Variants in FER1L6 observed in about 807,000 individuals in gnomAD.
The protein encoded by FER1L6 is fer-1 like family member 6, also known as fer-1-like protein 6.
A neutral mutation model predicts 219.2 loss-of-function variants in FER1L6; 177 were observed. The ratio of observed to expected loss-of-function variants is 0.81; its 90% CI spans 0.71 to 0.91. FER1L6 has a LOEUF of 0.91. Among genes scored for constraint, FER1L6 ranks in the 40% least tolerant of loss-of-function variants. The pLI is 0.00. For missense variants in FER1L6, 2,153 were observed against 2,259.9 expected (o/e 0.95, Z 0.96); for synonymous variants, 768 against 824.3 (o/e 0.93, Z 1.17).
rs568925800 is a variant in FER1L6, at chr8:123,939,044, A to G, written c.-7-16948A>G. 1,524 of 499,178 alleles carry G rather than the reference A, an allele frequency of 3.1e-3. 4 individuals carry two copies. The highest frequency in any genetic ancestry group is 3.7e-3 in the Non-Finnish European group (1,427 of 385,362). The allele number at this position is 499,178 out of a possible 1,614,324, so 30.9% of individuals were successfully genotyped here. ...AATTGCATTGCACATTCATCTGAGC[A>G]TAGCAAGGGAAGAAAATATCAAACC... On this transcript the variant is annotated intron_variant, in intron 1 of 40. Transcript: ENST00000522917.
intron 1 of FER1L6, among the ~76,000 whole-genome samples, chr8:123,873,661 C>T (rs368501345): frequency 6.6e-5 from 10 of 152,254 alleles, no homozygotes; most frequent in African/African-American, 2.4e-4. Context: ...CACTGTTTTT[C>T]ACTCTTTGAA....
intron 39 of FER1L6, among the ~76,000 whole-genome samples, chr8:124,118,068 C>T (rs193247041): frequency 4.8e-4 from 73 of 152,242 alleles, no homozygotes; most frequent in Non-Finnish European, 8.5e-4. Flanking sequence ...TCCAGGAGAT[C>T]AGAAATTCTG....
intron 32 of FER1L6, among the ~76,000 whole-genome samples, chr8:124,078,263 C>T (rs924070046): frequency 6.6e-6 from 1 of 152,078 alleles, no homozygotes; most frequent in Non-Finnish European, 1.5e-5. Context: ...TTTAATGGGG[C>T]CCTATCTCCA....
Position 123,912,286 on chromosome 8 carries a change from A to AAAG in FER1L6, c.-7-43697_-7-43695dup, listed in dbSNP as rs35872054. Among the ~76,000 whole-genome samples the AAAG allele has an allele frequency of 8.1e-3, 1,220 of 150,592 alleles. 44 individuals carry two copies. The highest frequency in any genetic ancestry group is 0.067 in the Admixed American group (1,022 of 15,150). ...AAGAAACTTGTCAATGTTTAAAAAA[A>AAAG]AAGAAGAAGAAAGCCTACTAAGTAT... On this transcript the variant is annotated intron_variant, in intron 1 of 40. Coordinates refer to ENST00000522917, the MANE Select transcript of FER1L6 (RefSeq NM_001039112.2).
chr8:124,105,560 C>T (rs1281679420), intron 39 of FER1L6, among the ~76,000 whole-genome samples: 6 of 152,176 alleles, frequency 3.9e-5, no homozygotes, highest in Non-Finnish European at 8.8e-5. Context: ...GAAATAGGAA[C>T]TCAGAGAGGA....
At chr8:123,905,287 T>A (rs1172029393) in intron 1 of FER1L6, among the ~76,000 whole-genome samples, 1 of 152,194 alleles carries the variant, frequency 6.6e-6, no homozygotes, top group African/African-American at 2.4e-5. Flanking sequence ...TGTGTAAATG[T>A]GTTCTCATTG....
chr8:123,884,844 G>A (rs1388256451), intron 1 of FER1L6, among the ~76,000 whole-genome samples: 2 of 152,160 alleles, frequency 1.3e-5, no homozygotes, highest in African/African-American at 4.8e-5. Context: ...GAGCCCCAGA[G>A]TTTGGGCAGT....
At chr8:124,017,563 C>G in intron 15 of FER1L6, 65 bp from the exon 16 acceptor site, 1 of 1,267,192 alleles carries the variant, frequency 7.9e-7, no homozygotes, top group Non-Finnish European at 1.1e-6. Flanking sequence ...TATTTGCAAA[C>G]CTCTGGAATT....
At chr8:123,871,762 C>A (rs540638620) in intron 1 of FER1L6, among the ~76,000 whole-genome samples, 2 of 152,016 alleles carry the variant, frequency 1.3e-5, no homozygotes, top group African/African-American at 4.8e-5. Flanking sequence ...GTAAGGGGAG[C>A]GAAAAGAGTC....
intron 17 of FER1L6, 57 bp downstream of exon 17, chr8:124,021,726 G>T: frequency 6.2e-7 from 1 of 1,601,542 alleles, no homozygotes; most frequent in Non-Finnish European, 8.5e-7. Flanking sequence ...GTCTTCCAGG[G>T]AGGTTTGAAT....
At chr8:124,067,885 A>C (rs1820893363) in intron 28 of FER1L6, 79 bp downstream of exon 28, 1 of 1,164,756 alleles carries the variant, frequency 8.6e-7, no homozygotes, top group Non-Finnish European at 1.3e-6. Context: ...AAGCCACGGG[A>C]GGTGTATTAG....
At chr8:123,927,163 A>G (rs1001810978) in intron 1 of FER1L6, among the ~76,000 whole-genome samples, 1 of 40,886 alleles carries the variant, frequency 2.4e-5, no homozygotes, top group Non-Finnish European at 4.7e-5. Flanking sequence ...AGCAGGCAGG[A>G]AAAAAAAAAA....
intron 33 of FER1L6, among the ~76,000 whole-genome samples, chr8:124,090,668 C>T (rs1003121777): frequency 4.6e-5 from 7 of 152,168 alleles, no homozygotes; most frequent in African/African-American, 1.7e-4. Context: ...AGACATCAAG[C>T]TTATCTTGGT....
intron 1 of FER1L6, among the ~76,000 whole-genome samples, chr8:123,947,239 C>T (rs1225777372): frequency 6.8e-6 from 1 of 147,396 alleles, no homozygotes; most frequent in South Asian, 2.1e-4. Flanking sequence ...GAGCAAGACT[C>T]AGTCTAAAAA....
intron 2 of FER1L6, among the ~76,000 whole-genome samples, chr8:123,957,460 T>C (rs1226147210): frequency 6.6e-6 from 1 of 152,202 alleles, no homozygotes; most frequent in Non-Finnish European, 1.5e-5. Context: ...GTCCTTTCCC[T>C]CTAGGACCTT....
chr8:123,946,025 G>GT lies in FER1L6; in HGVS notation c.-7-9966dup, dbSNP rs563494289. On this transcript the variant is annotated intron_variant, in intron 1 of 40. Coordinates refer to ENST00000522917, the MANE Select transcript of FER1L6 (RefSeq NM_001039112.2). ...ATTTTGACTGAATGGGATTCAAAGTGTATCTGTTATCAGAGGTCACTGGGC... is the reference window on the plus strand; with the variant it reads ...ATTTTGACTGAATGGGATTCAAAGTGTTATCTGTTATCAGAGGTCACTGGGC... 1.4e-3 allele frequency among the ~76,000 whole-genome samples: 209 copies of GT among 152,288 alleles called. 1 individual carries two copies. Among genetic ancestry groups the GT allele is most frequent in the African/African-American group, 4.9e-3 (203 of 41,558 alleles).
At chr8:123,927,349 A>T (rs927339570) in intron 1 of FER1L6, among the ~76,000 whole-genome samples, 2 of 152,206 alleles carry the variant, frequency 1.3e-5, no homozygotes, top group African/African-American at 4.8e-5. Flanking sequence ...GTAAGGCAAG[A>T]GGCTTCATGA....
chr8:123,873,934 C>A lies in FER1L6; in HGVS notation c.-8+21749C>A, dbSNP rs530614007. ...GGGACCTATAATACCTTGGTCTGAT[C>A]GTCTTCTCACTACCCCTCATGCCAC... On this transcript the variant is annotated intron_variant, in intron 1 of 40. Transcript: ENST00000522917. Among the ~76,000 whole-genome samples, 42 of 152,290 alleles carry A rather than the reference C, an allele frequency of 2.8e-4. No homozygotes were observed. The South Asian group carries it at 8.3e-3, about 30-fold the overall frequency.
At chr8:123,874,726 C>T (rs538017003) in intron 1 of FER1L6, among the ~76,000 whole-genome samples, 1 of 152,362 alleles carries the variant, frequency 6.6e-6, no homozygotes, top group Admixed American at 6.5e-5. Flanking sequence ...TCTTCTCCAT[C>T]AGCATCTCAA....
Sources: gnomAD v4.1 joint callset for allele counts (sites outside exome capture counted in the v4.1 genomes callset) on GRCh38, gnomAD v4.1.1 for gene constraint, MANE v1.5 for transcripts, NCBI Gene and HGNC (gene_info 2026-07-23, HGNC 2026-07-21) for gene names.